The following MAF variants were observed in gnomAD, a reference collection of about 807,000 sequenced individuals.
MAF encodes transcription factor Maf.
A neutral mutation model predicts 22.0 loss-of-function variants in MAF; 10 were observed. The ratio of observed to expected loss-of-function variants is 0.45; its 90% CI spans 0.28 to 0.77. The LOEUF is 0.77. Among genes scored for constraint, MAF ranks in the 30% least tolerant of loss-of-function variants. MAF has a pLI of 0.12. For synonymous variants in MAF, 337 were observed against 255.8 expected (o/e 1.32, Z -3.03); for missense variants, 544 against 548.4 (o/e 0.99, Z 0.08).
the MAF span, among the ~76,000 whole-genome samples, chr16:79,254,749 T>C: frequency 6.6e-6 from 1 of 152,176 alleles, no homozygotes; most frequent in Admixed American, 6.5e-5. Flanking sequence ...CACCAAACCA[T>C]GCCCTTCCCT....
intron 1 of MAF, among the ~76,000 whole-genome samples, chr16:79,586,871 T>C (rs1912875728): frequency 1.3e-5 from 2 of 152,240 alleles, no homozygotes; most frequent in African/African-American, 4.8e-5. Context: ...CTGTGTACAA[T>C]AACGGCGATA....
chr16:79,368,567 T>C, the MAF span, among the ~76,000 whole-genome samples: 1 of 152,148 alleles, frequency 6.6e-6, no homozygotes, highest in Non-Finnish European at 1.5e-5. Flanking sequence ...GAAAACCTTA[T>C]GTCCTTTCTC....
the MAF span, among the ~76,000 whole-genome samples, chr16:79,501,662 C>A: frequency 6.6e-6 from 1 of 152,176 alleles, no homozygotes; most frequent in African/African-American, 2.4e-5. Context: ...AAAATTACAT[C>A]AAACAACTGA....
chr16:79,454,095 C>T, the MAF span, among the ~76,000 whole-genome samples: 21 of 152,206 alleles, frequency 1.4e-4, no homozygotes, highest in African/African-American at 4.8e-4. Flanking sequence ...GTTATAGGAA[C>T]CCTGAGATTT....
At chr16:79,357,185 G>C in the MAF span, among the ~76,000 whole-genome samples, 2 of 152,032 alleles carry the variant, frequency 1.3e-5, no homozygotes, top group African/African-American at 4.8e-5. Flanking sequence ...GAACTTGGGA[G>C]CCAGAGGTTG....
chr16:79,282,644 G>A, the MAF span, among the ~76,000 whole-genome samples: 1 of 152,156 alleles, frequency 6.6e-6, no homozygotes, highest in South Asian at 2.1e-4. Context: ...AGATTAGGAA[G>A]GTGCAAATTC....
At chr16:79,572,691 G>T in the MAF span, among the ~76,000 whole-genome samples, 1 of 152,034 alleles carries the variant, frequency 6.6e-6, no homozygotes, top group African/African-American at 2.4e-5. Context: ...CTGTTTTCAC[G>T]CCTTATTTGG....
chr16:79,527,864 T>C, the MAF span, among the ~76,000 whole-genome samples: 5 of 152,254 alleles, frequency 3.3e-5, no homozygotes, highest in African/African-American at 1.2e-4. Flanking sequence ...TGGAGTGGCT[T>C]GGCATGGTGG....
At chr16:79,520,606 G>A in the MAF span, among the ~76,000 whole-genome samples, 1 of 152,104 alleles carries the variant, frequency 6.6e-6, no homozygotes, top group Non-Finnish European at 1.5e-5. Flanking sequence ...CAAAATGGTG[G>A]CCAACTTGAA....
At chr16:79,210,762 C>G in the MAF span, among the ~76,000 whole-genome samples, 1 of 152,030 alleles carries the variant, frequency 6.6e-6, no homozygotes, top group African/African-American at 2.4e-5. Flanking sequence ...TATAGCATCC[C>G]TGACAGTATT....
the MAF span, chr16:79,206,469 C>G: frequency 2.6e-5 from 4 of 152,326 alleles, no homozygotes; most frequent in East Asian, 7.7e-4. Flanking sequence ...AATGGAAATA[C>G]TAACTGTCCC....
chr16:79,325,396 C>A, the MAF span, among the ~76,000 whole-genome samples: 2 of 152,112 alleles, frequency 1.3e-5, no homozygotes, highest in African/African-American at 4.8e-5. Flanking sequence ...CTTACTACAG[C>A]TGTGTGACTC....
chr16:79,498,087 C>T, the MAF span, among the ~76,000 whole-genome samples: 2 of 152,222 alleles, frequency 1.3e-5, no homozygotes, highest in Non-Finnish European at 2.9e-5. Flanking sequence ...GACTGCTCAT[C>T]TGTGGGACTC....
chr16:79,556,025 G>A, the MAF span, among the ~76,000 whole-genome samples: 4 of 151,984 alleles, frequency 2.6e-5, no homozygotes, highest in African/African-American at 4.8e-5. Flanking sequence ...GTTTAGTTTA[G>A]TTTAGTTTGT....
chr16:79,286,230 A>T, the MAF span, among the ~76,000 whole-genome samples: 1 of 152,218 alleles, frequency 6.6e-6, no homozygotes, highest in Non-Finnish European at 1.5e-5. Context: ...AATTTACAGC[A>T]TTCCAAAGAC....
At chr16:79,218,627 G>A in the MAF span, among the ~76,000 whole-genome samples, 10 of 152,124 alleles carry the variant, frequency 6.6e-5, no homozygotes, top group Non-Finnish European at 1.3e-4. Context: ...TTTTCACATT[G>A]TCACAACCTG....
chr16:79,336,660 C>T, the MAF span, among the ~76,000 whole-genome samples: 1 of 152,182 alleles, frequency 6.6e-6, no homozygotes, highest in Non-Finnish European at 1.5e-5. Flanking sequence ...AAATAATTGG[C>T]CCAAGGTCAC....
chr16:79,322,744 G>T, the MAF span, among the ~76,000 whole-genome samples: 1 of 152,010 alleles, frequency 6.6e-6, no homozygotes, highest in South Asian at 2.1e-4. Context: ...GTGGCAGGGG[G>T]TATAAAGAGC....
the MAF span, among the ~76,000 whole-genome samples, chr16:79,575,987 C>G: frequency 1.3e-5 from 2 of 151,848 alleles, no homozygotes; most frequent in South Asian, 4.2e-4. Flanking sequence ...CCACAGGGAG[C>G]CTATGAACAC....
Sources: allele counts gnomAD v4.1 joint callset (sites outside exome capture counted in the v4.1 genomes callset), GRCh38; gene constraint gnomAD v4.1.1; transcripts MANE v1.5; gene names NCBI Gene and HGNC (gene_info 2026-07-23, HGNC 2026-07-21).